RAP1GAP2: variants seen among roughly 807,000 people sequenced by gnomAD.
The protein encoded by RAP1GAP2 is RAP1 GTPase activating protein 2, also known as rap1 GTPase-activating protein 2.
In RAP1GAP2, 27 loss-of-function variants were observed where a neutral mutation model predicts 95.0. That is an observed-to-expected ratio of 0.28 (90% CI 0.21 to 0.39). The LOEUF (loss-of-function observed/expected upper bound fraction) is 0.39, where lower values mean the gene tolerates loss of function less well. Among genes scored for constraint, RAP1GAP2 ranks in the 10% least tolerant of loss-of-function variants. The pLI is 1.00. For missense variants in RAP1GAP2, 771 were observed against 970.0 expected (o/e 0.79, Z 2.72); for synonymous variants, 373 against 380.9 (o/e 0.98, Z 0.24).
At chr17:2,888,630 A>G (rs985456886) in intron 2 of RAP1GAP2, among the ~76,000 whole-genome samples, 1 of 148,840 alleles carries the variant, frequency 6.7e-6, no homozygotes, top group Non-Finnish European at 1.5e-5. Context: ...AGTATCGTGC[A>G]TATATACCAC....
At chr17:2,837,129 T>C (rs2071165364) in intron 2 of RAP1GAP2, among the ~76,000 whole-genome samples, 1 of 151,792 alleles carries the variant, frequency 6.6e-6, no homozygotes, top group Admixed American at 6.6e-5. Context: ...TGCACACCTG[T>C]AGTCCTAGAC....
chr17:2,757,010 T>A (rs752718349), intron 1 of RAP1GAP2, among the ~76,000 whole-genome samples: 6 of 152,222 alleles, frequency 3.9e-5, no homozygotes, highest in African/African-American at 4.8e-5. Context: ...TCCCACAGTG[T>A]CAGAGCAGGA....
chr17:2,910,585 TG>T (rs2042340441), intron 3 of RAP1GAP2, among the ~76,000 whole-genome samples: 1 of 152,246 alleles, frequency 6.6e-6, no homozygotes, highest in Non-Finnish European at 1.5e-5. Flanking sequence ...CCCCTTTGGT[TG>T]ATTAGCTTGG....
intron 3 of RAP1GAP2, among the ~76,000 whole-genome samples, chr17:2,950,040 TTTC>T (rs752128071): frequency 4.1e-5 from 5 of 122,338 alleles, no homozygotes; most frequent in East Asian, 4.5e-4. Flanking sequence ...ACCCATTTCT[TTTC>T]TTCTTCTTCT....
chr17:2,811,675 T>C (rs1231606443), intron 2 of RAP1GAP2, among the ~76,000 whole-genome samples: 2 of 152,198 alleles, frequency 1.3e-5, no homozygotes, highest in Non-Finnish European at 2.9e-5. Context: ...CCTCCCGGGT[T>C]CAAGTGATTC....
At chr17:2,759,551 A>C (rs1247656955) in intron 1 of RAP1GAP2, among the ~76,000 whole-genome samples, 1 of 152,132 alleles carries the variant, frequency 6.6e-6, no homozygotes, top group Non-Finnish European at 1.5e-5. Flanking sequence ...CCCAGGTTCA[A>C]GCAATTCTCC....
chr17:2,789,347 A>G (rs1183422719), intron 1 of RAP1GAP2, among the ~76,000 whole-genome samples: 1 of 152,136 alleles, frequency 6.6e-6, no homozygotes, highest in Non-Finnish European at 1.5e-5. Context: ...CGTGGCCGGC[A>G]TTATCAAATT....
intron 8 of RAP1GAP2, among the ~76,000 whole-genome samples, chr17:2,977,746 TAAAAAA>T (rs35219186): frequency 1.3e-5 from 1 of 76,856 alleles, no homozygotes; most frequent in Non-Finnish European, 2.4e-5. Context: ...GACTCCGTCT[TAAAAAA>T]AAAAAAAAAA....
intron 8 of RAP1GAP2, among the ~76,000 whole-genome samples, chr17:2,975,187 G>A (rs1005477599): frequency 3.9e-5 from 6 of 151,992 alleles, no homozygotes; most frequent in South Asian, 2.1e-4. Flanking sequence ...CTGAAATTGC[G>A]CCACAATACT....
intron 17 of RAP1GAP2, among the ~76,000 whole-genome samples, chr17:3,016,327 T>TA (rs1309089730): frequency 1.3e-5 from 2 of 152,362 alleles, no homozygotes; most frequent in East Asian, 3.9e-4. Context: ...CTGACTGCCT[T>TA]AGGCAGATCA....
intron 2 of RAP1GAP2, among the ~76,000 whole-genome samples, chr17:2,853,250 C>G (rs902931820): frequency 6.6e-5 from 10 of 151,998 alleles, no homozygotes; most frequent in Admixed American, 2.6e-4. Context: ...GAGCTGCGAG[C>G]CGGGGCGGGC....
At chr17:2,810,024 CT>C (rs68029110) in intron 2 of RAP1GAP2, among the ~76,000 whole-genome samples, 71,460 of 121,612 alleles carry the variant, frequency 0.59, 20,240 homozygotes, top group Non-Finnish European at 0.62. Context: ...GGACCCTCCC[CT>C]CCCCCCGCCC....
chr17:2,932,347 G>T (rs1182604150), intron 3 of RAP1GAP2, among the ~76,000 whole-genome samples: 1 of 151,860 alleles, frequency 6.6e-6, no homozygotes, highest in Non-Finnish European at 1.5e-5. Flanking sequence ...CTCTCTGGGG[G>T]ACAACTGCAG....
Position 2,963,804 on chromosome 17 carries a change from C to G in RAP1GAP2, c.280-52C>G. 2 of 1,457,364 alleles carry G rather than the reference C, an allele frequency of 1.4e-6. No individual in the cohort carries two copies. Among genetic ancestry groups the G allele is most frequent in the South Asian group, 1.3e-5 (1 of 75,698 alleles). 90.3% of individuals were successfully genotyped at this position (1,457,364 alleles called of 1,614,324 possible). On this transcript the variant is annotated intron_variant, in intron 6 of 24. Coordinates refer to ENST00000254695, the MANE Select transcript of RAP1GAP2 (RefSeq NM_015085.5). The surrounding 1 kb of genome is among the most constrained non-coding windows in gnomAD (Gnocchi z 4.8). ...GCAGAGGGGACACCGCCACCGGCCCCCTCCCTCCCCTGCGGTCCCAGGGGA... is the reference window on the plus strand; with the variant it reads ...GCAGAGGGGACACCGCCACCGGCCCGCTCCCTCCCCTGCGGTCCCAGGGGA...
chr17:3,016,037 C>T (rs550166353), intron 17 of RAP1GAP2, among the ~76,000 whole-genome samples: 6 of 152,128 alleles, frequency 3.9e-5, no homozygotes, highest in Non-Finnish European at 5.9e-5. Context: ...GCTCACACTA[C>T]GATAAGGAAA....
upstream of RAP1GAP2, among the ~76,000 whole-genome samples, chr17:2,772,486 T>TG (rs1567636920): frequency 6.6e-6 from 1 of 152,004 alleles, no homozygotes; most frequent in Non-Finnish European, 1.5e-5. Context: ...TTTATAGAGA[T>TG]GGGGTCTCCC....
At chr17:2,848,906 CCCT>C (rs953892251) in intron 2 of RAP1GAP2, among the ~76,000 whole-genome samples, 3 of 152,204 alleles carry the variant, frequency 2.0e-5, no homozygotes, top group African/African-American at 7.2e-5. Flanking sequence ...TCCCTCTTCC[CCCT>C]CCTCTGTCTT....
intron 16 of RAP1GAP2, 52 bp downstream of exon 16, chr17:3,006,093 A>T: frequency 3.3e-5 from 33 of 987,702 alleles, no homozygotes; most frequent in Non-Finnish European, 4.5e-5. Context: ...GCCACCTGTT[A>T]GCCAGCCTCA....
chr17:2,826,147 A>ATTTTTTTTTTT (rs71150901), intron 2 of RAP1GAP2, among the ~76,000 whole-genome samples: 496 of 108,702 alleles, frequency 4.6e-3, no homozygotes, highest in Admixed American at 5.1e-3. Context: ...CGCCCAGCAA[A>ATTTTTTTTTTT]TTTTTTTTTT....
Sources: gnomAD v4.1 joint callset for allele counts (sites outside exome capture counted in the v4.1 genomes callset) on GRCh38, gnomAD v4.1.1 for gene constraint, Gnocchi (gnomAD v3.1) non-coding constraint, MANE v1.5 for transcripts, NCBI Gene and HGNC (gene_info 2026-07-23, HGNC 2026-07-21) for gene names.